Variants in ADAMTS19 observed in about 807,000 individuals in gnomAD.
ADAMTS19 encodes the protein A disintegrin and metalloproteinase with thrombospondin motifs 19.
A neutral mutation model predicts 153.3 loss-of-function variants in ADAMTS19; 93 were observed. The ratio of observed to expected loss-of-function variants is 0.61; its 90% CI spans 0.51 to 0.72. ADAMTS19 has a LOEUF of 0.72. Ranked by LOEUF, ADAMTS19 falls within the 30% of genes least tolerant of loss-of-function variation. The pLI is 0.00. For synonymous variants in ADAMTS19, 600 were observed against 556.6 expected, an observed-to-expected ratio of 1.08 and a Z score of -1.10; for missense variants, 1,482 against 1,552.1, an observed-to-expected ratio of 0.95 and a Z score of 0.76.
chr5:129,570,012 G>A (rs562646118), intron 7 of ADAMTS19, among the ~76,000 whole-genome samples: 85 of 151,920 alleles, frequency 5.6e-4, no homozygotes, highest in African/African-American at 1.7e-3. Flanking sequence ...CTATTTCTTC[G>A]GATAATTCTC....
intron 13 of ADAMTS19, among the ~76,000 whole-genome samples, chr5:129,651,495 A>G (rs575367249): frequency 6.6e-6 from 1 of 152,302 alleles, no homozygotes; most frequent in African/African-American, 2.4e-5. Context: ...CTATATGGCC[A>G]GGCTGACTTC....
intron 6 of ADAMTS19, among the ~76,000 whole-genome samples, chr5:129,529,770 C>A (rs1280562096): frequency 6.6e-6 from 1 of 152,032 alleles, no homozygotes; most frequent in Non-Finnish European, 1.5e-5. Flanking sequence ...GCTGACTGTA[C>A]GTGAGAACTT....
At chr5:129,518,091 T>C (rs1290752919) in intron 3 of ADAMTS19, among the ~76,000 whole-genome samples, 1 of 152,140 alleles carries the variant, frequency 6.6e-6, no homozygotes, top group Non-Finnish European at 1.5e-5. Context: ...CTCTCTGCCT[T>C]AACTTTGTAC....
At chr5:129,495,761 C>T (rs762622557) in intron 2 of ADAMTS19, among the ~76,000 whole-genome samples, 4 of 152,064 alleles carry the variant, frequency 2.6e-5, no homozygotes, top group Non-Finnish European at 4.4e-5. Flanking sequence ...TTTCTTAAAA[C>T]GTGATGCATG....
chr5:129,640,652 C>T (rs927786313), intron 10 of ADAMTS19, among the ~76,000 whole-genome samples: 14 of 152,016 alleles, frequency 9.2e-5, no homozygotes, highest in Admixed American at 7.9e-4. Context: ...TTACTACTCT[C>T]CCCCATGATA....
At chr5:129,684,523 T>C (rs1295937385) in intron 18 of ADAMTS19, among the ~76,000 whole-genome samples, 5 of 152,206 alleles carry the variant, frequency 3.3e-5, no homozygotes, top group African/African-American at 1.2e-4. Flanking sequence ...TACATTACAT[T>C]ACATTACATT....
At chr5:129,646,896 A>G (rs1312821547) in intron 11 of ADAMTS19, among the ~76,000 whole-genome samples, 1 of 152,150 alleles carries the variant, frequency 6.6e-6, no homozygotes. Context: ...GTTTGCTACG[A>G]CCATCATCTA....
At chr5:129,466,621 A>G (rs1023973971) in intron 2 of ADAMTS19, among the ~76,000 whole-genome samples, 7 of 152,202 alleles carry the variant, frequency 4.6e-5, no homozygotes, top group African/African-American at 1.7e-4. Flanking sequence ...CAAGGGCCAA[A>G]TGAATATAAA....
intron 7 of ADAMTS19, among the ~76,000 whole-genome samples, chr5:129,553,827 C>T (rs1277508902): frequency 6.6e-6 from 1 of 152,046 alleles, no homozygotes; most frequent in Non-Finnish European, 1.5e-5. Flanking sequence ...CTGTTTCACC[C>T]AAACCCCACA....
chr5:129,491,925 A>C (rs1031500118), intron 2 of ADAMTS19, among the ~76,000 whole-genome samples: 2 of 152,246 alleles, frequency 1.3e-5, no homozygotes, highest in African/African-American at 4.8e-5. Flanking sequence ...AGATATAAAC[A>C]TGCCTGGAAG....
At position 129,613,381 on chromosome 5, in the gene ADAMTS19, T is replaced by G. The variant is rs1407964513; in HGVS notation, c.1479-7237T>G. Among the ~76,000 whole-genome samples the G allele has an allele frequency of 2.0e-5, 3 of 151,966 alleles. No individual in the cohort carries two copies. In the East Asian group the frequency reaches 5.8e-4, roughly 29 times the overall value. ...AAACTAGAACTCAGGATTAAGAAACTCACTCAAAACCACTTAACTAAATGG... is the reference window on the plus strand; with the variant it reads ...AAACTAGAACTCAGGATTAAGAAACGCACTCAAAACCACTTAACTAAATGG... On this transcript the variant is annotated intron_variant, in intron 8 of 22. Transcript: ENST00000274487.
intron 2 of ADAMTS19, among the ~76,000 whole-genome samples, chr5:129,486,179 GA>G (rs760745647): frequency 2.0e-5 from 3 of 152,062 alleles, no homozygotes; most frequent in Non-Finnish European, 4.4e-5. Flanking sequence ...AACATCTAAG[GA>G]AGAAGTACTA....
chr5:129,512,767 C>T (rs781426478), intron 3 of ADAMTS19, among the ~76,000 whole-genome samples: 2 of 152,028 alleles, frequency 1.3e-5, no homozygotes, highest in Non-Finnish European at 2.9e-5. Flanking sequence ...GATAAAAAGC[C>T]TCTCATTTTA....
intron 7 of ADAMTS19, among the ~76,000 whole-genome samples, chr5:129,568,360 CA>C (rs1447571920): frequency 1.7e-5 from 1 of 58,632 alleles, no homozygotes; most frequent in East Asian, 3.6e-4. Flanking sequence ...AACAGTAATA[CA>C]TGGGGGGGGA....
At chr5:129,469,941 T>A (rs1378881138) in intron 2 of ADAMTS19, among the ~76,000 whole-genome samples, 1 of 152,204 alleles carries the variant, frequency 6.6e-6, no homozygotes, top group Non-Finnish European at 1.5e-5. Context: ...AGGGGCAATA[T>A]GTAGATACAT....
At position 129,568,164 on chromosome 5, in the gene ADAMTS19, G is replaced by T. The variant is rs1203720863; in HGVS notation, c.1372+16257G>T. On this transcript the variant is annotated intron_variant, in intron 7 of 22. Transcript: ENST00000274487. Reference sequence around the variant, plus strand: ...GAAGTAGTTCTAACAGAAGGGAAATGATACTTAAAGGAAACTTGGAACATC... The same window carrying T: ...GAAGTAGTTCTAACAGAAGGGAAATTATACTTAAAGGAAACTTGGAACATC... Among the ~76,000 whole-genome samples, 4 of 152,288 alleles carry T rather than the reference G, an allele frequency of 2.6e-5. 1 individual carries two copies. In the Middle Eastern group the frequency reaches 0.01, roughly 388 times the overall value.
In ADAMTS19 at chr5:129,518,776, AC is replaced by A. The variant is rs200775685; in HGVS notation, c.914-7506del. Among the ~76,000 whole-genome samples, 1,372 of 151,922 alleles carry A rather than the reference AC, an allele frequency of 9.0e-3. 18 individuals carry two copies. The highest frequency in any genetic ancestry group is 0.029 in the African/African-American group (1,196 of 41,424). On this transcript the variant is annotated intron_variant, in intron 3 of 22. Transcript: ENST00000274487. ...TGTTATTTCTTTGTAAAAACTTTCT[AC>A]CTTTATCTCTTTTTCTACCTCTTCT...
At chr5:129,644,816 T>C (rs1752985266) in intron 11 of ADAMTS19, among the ~76,000 whole-genome samples, 1 of 152,188 alleles carries the variant, frequency 6.6e-6, no homozygotes, top group South Asian at 2.1e-4. Context: ...TTAGACTGTT[T>C]GGAAGGATTC....
chr5:129,468,162 A>G (rs1749936184), intron 2 of ADAMTS19, among the ~76,000 whole-genome samples: 1 of 152,202 alleles, frequency 6.6e-6, no homozygotes, highest in Non-Finnish European at 1.5e-5. Context: ...CCTCTAATGT[A>G]TATCTATGTT....
Sources: gnomAD v4.1 joint callset for allele counts (sites outside exome capture counted in the v4.1 genomes callset) on GRCh38, gnomAD v4.1.1 for gene constraint, MANE v1.5 for transcripts, NCBI Gene and HGNC (gene_info 2026-07-23, HGNC 2026-07-21) for gene names.